Variants in CAMK2G observed in about 807,000 individuals in gnomAD.
The protein encoded by CAMK2G is calcium/calmodulin dependent protein kinase II gamma, also known as calcium/calmodulin-dependent protein kinase type II subunit gamma.
Under a neutral mutation model 88.7 loss-of-function variants are expected in CAMK2G, and 23 were observed. The observed-to-expected ratio is 0.26, with a 90% CI of 0.19 to 0.37. CAMK2G has a LOEUF of 0.37. Among genes scored for constraint, CAMK2G ranks in the 10% least tolerant of loss-of-function variants. The pLI, the probability that CAMK2G is intolerant of heterozygous loss-of-function variation, is 1.00. For synonymous variants in CAMK2G, 263 were observed against 294.8 expected (o/e 0.89, Z 1.11); for missense variants, 476 against 780.8 (o/e 0.61, Z 4.65).
intron 6 of CAMK2G, 45 bp from the exon 7 acceptor site, chr10:73,849,160 C>T (rs371963907): frequency 1.3e-4 from 212 of 1,583,742 alleles, no homozygotes; most frequent in Non-Finnish European, 1.8e-4. Context: ...CACCCTGCAG[C>T]CCAGAGGAAG....
At chr10:73,835,334 C>A (rs2093066681) in intron 14 of CAMK2G, among the ~76,000 whole-genome samples, 1 of 151,806 alleles carries the variant, frequency 6.6e-6, no homozygotes, top group South Asian at 2.1e-4. Flanking sequence ...TTCACTGTCA[C>A]CCAGGCTGGA....
chr10:73,859,004 C>G (rs183956529), intron 3 of CAMK2G, among the ~76,000 whole-genome samples: 50 of 152,386 alleles, frequency 3.3e-4, no homozygotes, highest in Non-Finnish European at 6.0e-4. Context: ...TGCTGTTCTC[C>G]TGCCTACATG....
chr10:73,852,189 T>G (rs2094680439), intron 5 of CAMK2G, 65 bp downstream of exon 5: 3 of 1,220,286 alleles, frequency 2.5e-6, no homozygotes, highest in Non-Finnish European at 3.7e-6. Flanking sequence ...ACCCCGAAGG[T>G]GGCCAAGACT....
chr10:73,852,153 G>T, intron 5 of CAMK2G, 101 bp downstream of exon 5: 1 of 847,822 alleles, frequency 1.2e-6, no homozygotes, highest in Non-Finnish European at 2.0e-6. Context: ...CTTCCCCAAA[G>T]ACTATTCAAA....
chr10:73,859,955 C>T (rs2095295497), intron 3 of CAMK2G, among the ~76,000 whole-genome samples: 1 of 152,088 alleles, frequency 6.6e-6, no homozygotes, highest in South Asian at 2.1e-4. Context: ...GGTGGGAGCC[C>T]TGAGATTTAG....
chr10:73,815,908 A>C (rs2085296439), intron 21 of CAMK2G: 1 of 985,076 alleles, frequency 1.0e-6, no homozygotes, highest in South Asian at 4.7e-5. Context: ...TTCACATTTT[A>C]GTTCAATTCA....
chr10:73,840,836 G>A (rs2093718252), intron 12 of CAMK2G, among the ~76,000 whole-genome samples: 1 of 152,234 alleles, frequency 6.6e-6, no homozygotes. Flanking sequence ...AATGTCCTCT[G>A]GAAAGGCTCG....
At chr10:73,824,182 A>G (rs1289989108) in intron 16 of CAMK2G, 98 bp from the exon 17 acceptor site, 2 of 851,038 alleles carry the variant, frequency 2.4e-6, no homozygotes, top group East Asian at 2.5e-5. Context: ...CGCAGACCCT[A>G]TGATGACCAC....
chr10:73,831,146 A>C (rs2092365757), intron 14 of CAMK2G, among the ~76,000 whole-genome samples: 1 of 152,186 alleles, frequency 6.6e-6, no homozygotes, highest in Non-Finnish European at 1.5e-5. Flanking sequence ...TACCTGTTTC[A>C]TATTATAAAA....
At chr10:73,858,145 C>T (rs371162690) in intron 3 of CAMK2G, among the ~76,000 whole-genome samples, 2 of 152,186 alleles carry the variant, frequency 1.3e-5, no homozygotes, top group East Asian at 3.9e-4. Flanking sequence ...GAATATCTAG[C>T]TATTAAGGGG....
chr10:73,840,191 CCG>C (rs2093664156), intron 12 of CAMK2G, among the ~76,000 whole-genome samples: 1 of 130,664 alleles, frequency 7.7e-6, no homozygotes, highest in South Asian at 2.7e-4. Context: ...AGGGAGGTAG[CCG>C]AGAGAGGCAG....
In CAMK2G at chr10:73,858,325, G is replaced by C. The variant is rs1054109206; in HGVS notation, c.220+2505C>G. ...CTTTGGGATGGAGTTCAAGAGGCCA[G>C]AGCCAAAAGGGTCACAGTTCTGAAG... is the stretch of plus-strand genomic sequence containing the variant. On this transcript the variant is annotated intron_variant, in intron 3 of 22. Transcript: ENST00000423381. Among the ~76,000 whole-genome samples the C allele has an allele frequency of 9.2e-5, 14 of 152,208 alleles. 1 individual carries two copies. The highest frequency in any genetic ancestry group is 3.9e-4 in the Admixed American group (6 of 15,284).
chr10:73,851,184 C>T (rs1421444435), intron 5 of CAMK2G, among the ~76,000 whole-genome samples: 2 of 152,252 alleles, frequency 1.3e-5, no homozygotes, highest in Non-Finnish European at 2.9e-5. Context: ...GGAAGCTGCA[C>T]TCCCCCACTC....
chr10:73,869,459 G>A (rs1361370586), intron 2 of CAMK2G, among the ~76,000 whole-genome samples: 1 of 152,206 alleles, frequency 6.6e-6, no homozygotes, highest in Non-Finnish European at 1.5e-5. Context: ...TATCAGGTCT[G>A]CAGCTTGGCT....
At chr10:73,849,167 GAAGCCTAGTT>G in intron 6 of CAMK2G, 52 bp from the exon 7 acceptor site, 2 of 1,577,054 alleles carry the variant, frequency 1.3e-6, no homozygotes, top group Admixed American at 3.3e-5. Context: ...CAGCCCAGAG[GAAGCCTAGTT>G]TGGGCCTACG....
chr10:73,837,453 G>T lies in CAMK2G; in HGVS notation c.1053+15C>A. On this transcript the variant is annotated intron_variant, in intron 14 of 22. Coordinates refer to ENST00000423381, the MANE Select transcript of CAMK2G (RefSeq NM_001367534.1). ...GAGAAAGAGGCCAGTCTGTTCAGAGGCTGGAGACACTTACCTTGACACCGC... is the reference window on the plus strand; with the variant it reads ...GAGAAAGAGGCCAGTCTGTTCAGAGTCTGGAGACACTTACCTTGACACCGC... 1.2e-6 allele frequency: 2 copies of T among 1,605,724 alleles called. No individual in the cohort carries two copies. Among genetic ancestry groups the T allele is most frequent in the Non-Finnish European group, 1.7e-6 (2 of 1,172,396 alleles).
intron 2 of CAMK2G, among the ~76,000 whole-genome samples, chr10:73,861,399 A>G (rs546118758): frequency 1.3e-5 from 2 of 152,178 alleles, no homozygotes; most frequent in Non-Finnish European, 2.9e-5. Flanking sequence ...TCTGTTGCCC[A>G]GGCTGGGGTG....
Position 73,812,918 on chromosome 10 carries a change from T to A in CAMK2G, c.*1600A>T, listed in dbSNP as rs1160649841. 1 of 152,732 alleles carries A rather than the reference T, an allele frequency of 6.5e-6. No homozygotes were observed. Among genetic ancestry groups the A allele is most frequent in the East Asian group, 1.9e-4 (1 of 5,200 alleles). 9.5% of individuals were successfully genotyped at this position (152,732 alleles called of 1,614,324 possible). On this transcript the variant is annotated 3_prime_UTR_variant, in exon 23 of 23. Coordinates refer to ENST00000423381, the MANE Select transcript of CAMK2G (RefSeq NM_001367534.1). ...CATGAGGTGCTCGGAGGAGCCTGGC[T>A]AAATCCAAGCACCAGCACCTGTGAG...
intron 21 of CAMK2G, chr10:73,816,150 CAG>C: frequency 4.1e-6 from 4 of 985,612 alleles, no homozygotes; most frequent in Non-Finnish European, 4.8e-6. Flanking sequence ...TCTCATAGAG[CAG>C]AGAGAAAGAT....
Sources: allele counts gnomAD v4.1 joint callset (sites outside exome capture counted in the v4.1 genomes callset), GRCh38; gene constraint gnomAD v4.1.1; transcripts MANE v1.5; gene names NCBI Gene and HGNC (gene_info 2026-07-23, HGNC 2026-07-21).